CHTF8: variants seen among roughly 807,000 people sequenced by gnomAD.
CHTF8 encodes the protein chromosome transmission fidelity factor 8, also known as chromosome transmission fidelity protein 8 homolog.
A neutral mutation model predicts 11.0 loss-of-function variants in CHTF8; 6 were observed. The ratio of observed to expected loss-of-function variants is 0.55; its 90% CI spans 0.30 to 1.08. The LOEUF (loss-of-function observed/expected upper bound fraction) is 1.08, where lower values mean the gene tolerates loss of function less well. Ranked by LOEUF, CHTF8 falls within the 50% of genes least tolerant of loss-of-function variation. The pLI is 0.07. For synonymous variants in CHTF8, 53 were observed against 60.5 expected (o/e 0.88, Z 0.57); for missense variants, 140 against 153.1 (o/e 0.91, Z 0.45).
intron 1 of CHTF8, among the ~76,000 whole-genome samples, chr16:69,128,071 C>T (rs1449550625): frequency 7.2e-5 from 11 of 152,218 alleles, no homozygotes; most frequent in South Asian, 2.1e-4. Context: ...CCTGCCACCG[C>T]GCCTTGCTGA....
At chr16:69,121,320 G>A (rs1961638620) in intron 2 of CHTF8, 116 bp downstream of exon 2, 2 of 1,213,998 alleles carry the variant, frequency 1.6e-6, no homozygotes, top group Non-Finnish European at 2.4e-6. Flanking sequence ...CTAGAGATCA[G>A]AATGCAAGGA....
intron 1 of CHTF8, among the ~76,000 whole-genome samples, chr16:69,124,224 C>T (rs944854060): frequency 1.3e-5 from 2 of 152,136 alleles, no homozygotes; most frequent in Non-Finnish European, 2.9e-5. Flanking sequence ...CAATTGGCTT[C>T]ACTTTCTGTG....
Position 69,120,670 on chromosome 16 carries a change from G to C in CHTF8, c.142-21C>G. 1 of 1,595,216 alleles carries C rather than the reference G, an allele frequency of 6.3e-7. No homozygotes were observed. Among genetic ancestry groups the C allele is most frequent in the Non-Finnish European group, 8.6e-7 (1 of 1,165,374 alleles). On this transcript the variant is annotated intron_variant, in intron 3 of 3. Coordinates refer to ENST00000448552, the MANE Select transcript of CHTF8 (RefSeq NM_001039690.5). This position sits in a 1 kb window ranked among gnomAD's most constrained non-coding sequence, Gnocchi z 4.0. The stretch of plus-strand genomic sequence containing the variant: ...ATTCCCTTTGGCAGAACAAGAACGA[G>C]ATTCCTGAGGTTCCGGGGCAAGGCC...
chr16:69,120,577 C>A lies in CHTF8; in HGVS notation c.214G>T (p.Val72Phe), dbSNP rs1961574979. ...TCCCCAGGAGTGTGTTTGACAAGGA[C>A]TGCAAAAGGTTTCTCCAGGTGGATG... The part of the protein sequence containing the change: ...KIIHLEKPFA[V>F]LVKHTPGDQD... Residue 72 changes from valine (V) to phenylalanine (F), a missense_variant, in exon 4 of 4, where the codon GTC (valine) becomes TTC (phenylalanine). Coordinates refer to ENST00000448552, the MANE Select transcript of CHTF8 (RefSeq NM_001039690.5). This position sits in a 1 kb window ranked among gnomAD's most constrained non-coding sequence, Gnocchi z 4.0. 2 of 1,613,996 alleles carry A rather than the reference C, an allele frequency of 1.2e-6. No individual in the cohort carries two copies. The highest frequency in any genetic ancestry group is 1.1e-5 in the South Asian group (1 of 91,086).
chr16:69,121,387 TA>T lies in CHTF8; in HGVS notation c.23+48del, dbSNP rs142784676. On this transcript the variant is annotated intron_variant, in intron 2 of 3. Coordinates refer to ENST00000448552, the MANE Select transcript of CHTF8 (RefSeq NM_001039690.5). The stretch of plus-strand genomic sequence containing the variant: ...CTTCCAGACACATGGCACACCTCTA[TA>T]GCCCTCATCATTTCAAGCCAAATTT... The T allele has an allele frequency of 2.5e-3, 3,822 of 1,524,486 alleles. 138 individuals are homozygous for T. In the East Asian group the frequency reaches 0.071, roughly 28 times the overall value. The allele number at this position is 1,524,486 out of a possible 1,614,324, so 94.4% of individuals were successfully genotyped here.
Position 69,119,523 on chromosome 16 carries a change from G to C in CHTF8, c.*902C>G. On this transcript the variant is annotated 3_prime_UTR_variant, in exon 4 of 4. Transcript: ENST00000448552. ...CAGGTACTCTTGCCATGGAGGATGG[G>C]CTTGTGCCCATGTTTCCAGAAGCCT... 1 of 702,912 alleles carries C rather than the reference G, an allele frequency of 1.4e-6. No individual in the cohort carries two copies. The highest frequency in any genetic ancestry group is 2.6e-6 in the Non-Finnish European group (1 of 384,986). 43.5% of individuals were successfully genotyped at this position (702,912 alleles called of 1,614,324 possible). A position where few individuals can be genotyped will look rare whatever the true frequency, so the allele number is the denominator to read the frequency against.
Position 69,121,156 on chromosome 16 carries a change from C to T in CHTF8, c.38G>A (p.Gly13Asp), listed in dbSNP as rs776627380. Residue 13 changes from glycine to aspartate, a missense_variant, in exon 3 of 4, where the codon GGC becomes GAC. By Grantham distance (94) the Gly-to-Asp change is moderately conservative (BLOSUM62 -1). Transcript: ENST00000448552. ...QIVISSARAG[G>D]LAEWVLMELQ... Reference sequence around the variant, plus strand: ...CTCCATCAGCACCCATTCTGCCAGGCCTCCAGCCCTCGCACTGCAAGCAAA... The same window carrying T: ...CTCCATCAGCACCCATTCTGCCAGGTCTCCAGCCCTCGCACTGCAAGCAAA... The T allele has an allele frequency of 1.2e-6, 2 of 1,612,948 alleles. No individual in the cohort carries two copies. The highest frequency in any genetic ancestry group is 2.2e-5 in the East Asian group (1 of 44,874).
intron 1 of CHTF8, among the ~76,000 whole-genome samples, chr16:69,124,527 G>A (rs1961920718): frequency 6.6e-6 from 1 of 151,212 alleles, no homozygotes; most frequent in African/African-American, 2.4e-5. Flanking sequence ...AGCTTCAAGT[G>A]ATTCTCTTGC....
chr16:69,121,577 A>T (rs1233999827), intron 1 of CHTF8, 84 bp from the exon 2 acceptor site: 3 of 775,638 alleles, frequency 3.9e-6, no homozygotes, highest in African/African-American at 3.5e-5. Context: ...TCCCGGGTTC[A>T]ATCGATTCTC....
At chr16:69,121,516 T>G in intron 1 of CHTF8, 23 bp from the exon 2 acceptor site, 1 of 1,455,030 alleles carries the variant, frequency 6.9e-7, no homozygotes, top group Non-Finnish European at 9.5e-7. Flanking sequence ...AAAAAGAGAT[T>G]TAGGGTAATA....
Position 69,120,745 on chromosome 16 carries a change from C to T in CHTF8, c.142-96G>A, listed in dbSNP as rs1961592692. Reference sequence around the variant, plus strand: ...CTGCTCTTGGCAGGCTATGCTGGCACCTCCAATCCCTGGTCTGGCTCTGCC... The same window carrying T: ...CTGCTCTTGGCAGGCTATGCTGGCATCTCCAATCCCTGGTCTGGCTCTGCC... On this transcript the variant is annotated intron_variant, in intron 3 of 3. Transcript: ENST00000448552. The surrounding 1 kb of genome is among the most constrained non-coding windows in gnomAD (Gnocchi z 4.0). The T allele has an allele frequency of 9.6e-7, 1 of 1,037,202 alleles. No homozygotes were observed. The highest frequency in any genetic ancestry group is 2.1e-5 in the Admixed American group (1 of 47,234). The allele number at this position is 1,037,202 out of a possible 1,614,324, so 64.2% of individuals were successfully genotyped here. A position where few individuals can be genotyped will look rare whatever the true frequency, so the allele number is the denominator to read the frequency against.
At chr16:69,123,370 C>A (rs1327076976) in intron 1 of CHTF8, among the ~76,000 whole-genome samples, 1 of 152,062 alleles carries the variant, frequency 6.6e-6, no homozygotes, top group Non-Finnish European at 1.5e-5. Flanking sequence ...AAAATAAAGC[C>A]AAGGGGGCCA....
rs750447211 is a variant in CHTF8, at chr16:69,120,351, G to A, written c.*74C>T. On this transcript the variant is annotated 3_prime_UTR_variant, in exon 4 of 4. Transcript: ENST00000448552. This position sits in a 1 kb window ranked among gnomAD's most constrained non-coding sequence, Gnocchi z 4.0. ...CCCCCTGTGGTCCCAGGGAACCGTCGAGCCGTCCTCGAGGTGGCAGCGGAG... is the reference window on the plus strand; with the variant it reads ...CCCCCTGTGGTCCCAGGGAACCGTCAAGCCGTCCTCGAGGTGGCAGCGGAG... The A allele has an allele frequency of 1.1e-5, 16 of 1,467,378 alleles. No homozygotes were observed. Among genetic ancestry groups the A allele is most frequent in the South Asian group, 4.6e-5 (4 of 87,720 alleles). The allele number at this position is 1,467,378 out of a possible 1,614,324, so 90.9% of individuals were successfully genotyped here.
At position 69,119,742 on chromosome 16, in the gene CHTF8, A is replaced by C; in HGVS notation, c.*683T>G. Reference sequence around the variant, plus strand: ...GGTTGGGCCCAAGGCCTGGGCCTGGAAACACACCTGACCTGGGGGCAGGGT... The same window carrying C: ...GGTTGGGCCCAAGGCCTGGGCCTGGCAACACACCTGACCTGGGGGCAGGGT... On this transcript the variant is annotated 3_prime_UTR_variant, in exon 4 of 4. Coordinates refer to ENST00000448552, the MANE Select transcript of CHTF8 (RefSeq NM_001039690.5). 1.4e-6 allele frequency: 1 copy of C among 692,056 alleles called. No homozygotes were observed. The highest frequency in any genetic ancestry group is 1.5e-5 in the South Asian group (1 of 67,158). The allele number at this position is 692,056 out of a possible 1,614,324, so 42.9% of individuals were successfully genotyped here.
intron 1 of CHTF8, chr16:69,132,125 CTCCGCCCGCGCTCGGCCACCCTT>C (rs1962583532): frequency 1.3e-5 from 2 of 155,430 alleles, no homozygotes; most frequent in Admixed American, 1.3e-4. Context: ...CTTCTCCGTC[CTCCGCCCGCGCTCGGCCACCCTT>C]TCCGCCCTTC....
Position 69,118,478 on chromosome 16 carries a change from G to A in CHTF8, c.*1947C>T, listed in dbSNP as rs376376214. ...AGAGCAGTGAGCTGATTCTCCAATG[G>A]TGAGCAGGGGACTACATGTGAACTG... On this transcript the variant is annotated 3_prime_UTR_variant, in exon 4 of 4. Transcript: ENST00000448552. 1.4e-5 allele frequency: 21 copies of A among 1,450,580 alleles called. No individual in the cohort carries two copies. Among genetic ancestry groups the A allele is most frequent in the East Asian group, 2.3e-5 (1 of 44,158 alleles). The allele number at this position is 1,450,580 out of a possible 1,614,324, so 89.9% of individuals were successfully genotyped here.
chr16:69,120,268 G>A lies in CHTF8; in HGVS notation c.*157C>T, dbSNP rs1453440762. ...CAGATTTCCACCAAGAGAACCGGCC[G>A]CCATAAGGAAGGGATCCGAGTTCAC... On this transcript the variant is annotated 3_prime_UTR_variant, in exon 4 of 4. Transcript: ENST00000448552. This position sits in a 1 kb window ranked among gnomAD's most constrained non-coding sequence, Gnocchi z 4.0. 1.1e-5 allele frequency: 8 copies of A among 737,042 alleles called. No homozygotes were observed. The highest frequency in any genetic ancestry group is 8.7e-5 in the African/African-American group (5 of 57,758). The allele number at this position is 737,042 out of a possible 1,614,324, so 45.7% of individuals were successfully genotyped here. A position where few individuals can be genotyped will look rare whatever the true frequency, so the allele number is the denominator to read the frequency against.
At chr16:69,121,719 G>A (rs1486323720) in intron 1 of CHTF8, among the ~76,000 whole-genome samples, 1 of 150,030 alleles carries the variant, frequency 6.7e-6, no homozygotes, top group Non-Finnish European at 1.5e-5. Context: ...CCAGGTTGGA[G>A]TGCAATGGCA....
At position 69,128,479 on chromosome 16, in the gene CHTF8, A is replaced by G. The variant is rs1471396063; in HGVS notation, c.-36+4005T>C. Reference sequence around the variant, plus strand: ...CAATAAATTATGTATCCTGTCCCCAATCTCATGAGGAGGGAAAAAAGTTTT... The same window carrying G: ...CAATAAATTATGTATCCTGTCCCCAGTCTCATGAGGAGGGAAAAAAGTTTT... On this transcript the variant is annotated intron_variant, in intron 1 of 3. Transcript: ENST00000448552. Among the ~76,000 whole-genome samples, 7 of 152,190 alleles carry G rather than the reference A, an allele frequency of 4.6e-5. No individual in the cohort carries two copies. The East Asian group carries it at 9.6e-4, about 21-fold the overall frequency.
Sources: allele counts gnomAD v4.1 joint callset (sites outside exome capture counted in the v4.1 genomes callset), GRCh38; gene constraint gnomAD v4.1.1; non-coding constraint Gnocchi (gnomAD v3.1); transcripts MANE v1.5; gene names NCBI Gene and HGNC (gene_info 2026-07-23, HGNC 2026-07-21).